NEGR1: variants seen among roughly 807,000 people sequenced by gnomAD.
NEGR1 encodes the protein neuronal growth regulator 1, also known as IgLON family member 4.
Under a neutral mutation model 40.9 loss-of-function variants are expected in NEGR1, and 10 were observed. The ratio of observed to expected loss-of-function variants is 0.24; its 90% CI spans 0.15 to 0.42. NEGR1 has a LOEUF of 0.42. Among genes scored for constraint, NEGR1 ranks in the 10% least tolerant of loss-of-function variants. The pLI, the probability that NEGR1 is intolerant of heterozygous loss-of-function variation, is 1.00. For synonymous variants in NEGR1, 185 were observed against 166.8 expected, an observed-to-expected ratio of 1.11 and a Z score of -0.84; for missense variants, 352 against 438.9, an observed-to-expected ratio of 0.80 and a Z score of 1.77.
At chr1:72,281,419 T>C (rs527797783) in intron 1 of NEGR1, among the ~76,000 whole-genome samples, 15 of 151,984 alleles carry the variant, frequency 9.9e-5, no homozygotes, top group African/African-American at 1.9e-4. Flanking sequence ...TGAGAGTATG[T>C]GAGTTAGTAT....
At position 72,030,683 on chromosome 1, in the gene NEGR1, A is replaced by C. The variant is rs543465032; in HGVS notation, c.177-95372T>G. On this transcript the variant is annotated intron_variant, in intron 1 of 6. Transcript: ENST00000357731. ...AAAGCAGAAAGATAAAAAAAAGTACACTACATATAATTGAACTTACATGAG... is the reference window on the plus strand; with the variant it reads ...AAAGCAGAAAGATAAAAAAAAGTACCCTACATATAATTGAACTTACATGAG... Among the ~76,000 whole-genome samples, 10 of 152,326 alleles carry C rather than the reference A, an allele frequency of 6.6e-5. 1 individual carries two copies. The South Asian group carries it at 2.1e-3, about 32-fold the overall frequency.
intron 2 of NEGR1, among the ~76,000 whole-genome samples, chr1:71,876,128 A>AT (rs1274711903): frequency 2.6e-5 from 4 of 152,230 alleles, no homozygotes; most frequent in South Asian, 2.1e-4. Flanking sequence ...GCAGTCTTAA[A>AT]TTTTTTAACA....
intron 3 of NEGR1, among the ~76,000 whole-genome samples, chr1:71,702,816 C>T (rs1653745114): frequency 6.6e-6 from 1 of 151,786 alleles, no homozygotes; most frequent in African/African-American, 2.4e-5. Flanking sequence ...ACAGTGACCC[C>T]CACAATTAAT....
chr1:71,467,483 T>TA (rs1646754713), intron 6 of NEGR1, among the ~76,000 whole-genome samples: 2 of 152,208 alleles, frequency 1.3e-5, no homozygotes, highest in African/African-American at 4.8e-5. Flanking sequence ...CATACTTTTT[T>TA]AAAAAGAGGT....
At chr1:72,043,084 G>A (rs1646970196) in intron 1 of NEGR1, among the ~76,000 whole-genome samples, 1 of 151,900 alleles carries the variant, frequency 6.6e-6, no homozygotes. Context: ...GCAAATATCT[G>A]CTGTACAGTC....
intron 2 of NEGR1, among the ~76,000 whole-genome samples, chr1:71,841,269 C>T (rs1659228549): frequency 1.3e-5 from 2 of 152,138 alleles, no homozygotes; most frequent in Admixed American, 1.3e-4. Flanking sequence ...TATAAATTTA[C>T]ATATAAATCT....
chr1:71,900,954 T>A (rs1661128276), intron 2 of NEGR1, among the ~76,000 whole-genome samples: 1 of 152,328 alleles, frequency 6.6e-6, no homozygotes, highest in South Asian at 2.1e-4. Context: ...ATCATCATAC[T>A]AAGCAGTGTT....
At chr1:71,707,468 A>C (rs1044928938) in intron 3 of NEGR1, among the ~76,000 whole-genome samples, 3 of 152,174 alleles carry the variant, frequency 2.0e-5, no homozygotes, top group African/African-American at 7.2e-5. Flanking sequence ...TTTGAGTGCC[A>C]GCTTAGCCAG....
At chr1:71,474,421 C>A (rs1646805100) in intron 6 of NEGR1, among the ~76,000 whole-genome samples, 1 of 150,438 alleles carries the variant, frequency 6.6e-6, no homozygotes, top group South Asian at 2.1e-4. Context: ...GCCTGTAATA[C>A]CAGCACTTTT....
intron 2 of NEGR1, among the ~76,000 whole-genome samples, chr1:71,786,728 C>T (rs1353481462): frequency 7.2e-5 from 11 of 152,084 alleles, no homozygotes; most frequent in Admixed American, 7.2e-4. Context: ...TTTTTTAATA[C>T]TCTTTCCACT....
intron 1 of NEGR1, among the ~76,000 whole-genome samples, chr1:72,173,734 A>C (rs1044926025): frequency 2.1e-4 from 32 of 152,268 alleles, no homozygotes; most frequent in African/African-American, 7.5e-4. Context: ...TGAGGTGAGG[A>C]GTTCGAGACA....
At chr1:71,659,235 T>C (rs980442359) in intron 4 of NEGR1, among the ~76,000 whole-genome samples, 2 of 152,154 alleles carry the variant, frequency 1.3e-5, no homozygotes, top group African/African-American at 4.8e-5. Flanking sequence ...GTTAAGCCAA[T>C]TGTGTGTTGT....
At chr1:72,077,210 T>C (rs1647782079) in intron 1 of NEGR1, among the ~76,000 whole-genome samples, 2 of 152,036 alleles carry the variant, frequency 1.3e-5, no homozygotes, top group Non-Finnish European at 1.5e-5. Flanking sequence ...TATCTATTTT[T>C]ATGTTAAAGG....
At chr1:71,694,150 A>G (rs1036719835) in intron 4 of NEGR1, among the ~76,000 whole-genome samples, 1 of 151,694 alleles carries the variant, frequency 6.6e-6, no homozygotes, top group Admixed American at 6.6e-5. Context: ...GCTTCTGCTA[A>G]GAACAGAACA....
chr1:72,133,650 C>G (rs1056407253), intron 1 of NEGR1, among the ~76,000 whole-genome samples: 1 of 151,164 alleles, frequency 6.6e-6, no homozygotes, highest in African/African-American at 2.4e-5. Flanking sequence ...TTTTATAAGG[C>G]AAAGGAATAT....
intron 1 of NEGR1, among the ~76,000 whole-genome samples, chr1:72,075,537 G>T (rs1036193858): frequency 1.3e-5 from 2 of 152,130 alleles, no homozygotes; most frequent in Non-Finnish European, 2.9e-5. Flanking sequence ...AAATATTTCA[G>T]CAGTGTCAAG....
chr1:71,937,209 T>G (rs965580106), intron 1 of NEGR1, among the ~76,000 whole-genome samples: 2 of 152,138 alleles, frequency 1.3e-5, no homozygotes, highest in African/African-American at 4.8e-5. Flanking sequence ...CACTGTTAAT[T>G]GAAAAGCTTG....
intron 1 of NEGR1, among the ~76,000 whole-genome samples, chr1:71,946,049 C>T (rs1261347525): frequency 1.3e-5 from 2 of 151,240 alleles, no homozygotes; most frequent in African/African-American, 4.9e-5. Flanking sequence ...CTATTCGTTT[C>T]TTTTTTTTTG....
At chr1:71,564,349 A>T (rs555775342) in intron 6 of NEGR1, among the ~76,000 whole-genome samples, 1 of 152,142 alleles carries the variant, frequency 6.6e-6, no homozygotes, top group Non-Finnish European at 1.5e-5. Context: ...AAACTGGGAA[A>T]AATCATACAT....
Sources: allele counts gnomAD v4.1 joint callset (sites outside exome capture counted in the v4.1 genomes callset), GRCh38; gene constraint gnomAD v4.1.1; transcripts MANE v1.5; gene names NCBI Gene and HGNC (gene_info 2026-07-23, HGNC 2026-07-21).